CREBL2: variants seen among roughly 807,000 people sequenced by gnomAD.
The protein encoded by CREBL2 is cAMP responsive element binding protein like 2.
Under a neutral mutation model 19.5 loss-of-function variants are expected in CREBL2, and 4 were observed. That is an observed-to-expected ratio of 0.20 (90% CI 0.10 to 0.47). CREBL2 has a LOEUF of 0.47. Ranked by LOEUF, CREBL2 falls within the 20% of genes least tolerant of loss-of-function variation. The probability of loss-of-function intolerance (pLI) is 0.98; values close to 1 mark genes in which losing one functional copy is unlikely to be tolerated. For synonymous variants in CREBL2, 42 were observed against 46.6 expected (o/e 0.90, Z 0.40); for missense variants, 85 against 145.1 (o/e 0.59, Z 2.13).
At chr12:12,628,889 A>G (rs1204564324) in intron 1 of CREBL2, among the ~76,000 whole-genome samples, 1 of 152,222 alleles carries the variant, frequency 6.6e-6, no homozygotes, top group Non-Finnish European at 1.5e-5. Flanking sequence ...TTCTTTCCCC[A>G]TTTAATTGCT....
At chr12:12,621,523 CAAAAAAAAAA>C (rs61201510) in intron 1 of CREBL2, among the ~76,000 whole-genome samples, 1 of 64,888 alleles carries the variant, frequency 1.5e-5, no homozygotes, top group East Asian at 4.4e-4. Context: ...CGTCTCAAAC[CAAAAAAAAAA>C]AAAAAAAAAA....
At chr12:12,618,234 C>T (rs1240880199) in intron 1 of CREBL2, among the ~76,000 whole-genome samples, 8 of 151,516 alleles carry the variant, frequency 5.3e-5, no homozygotes, top group Admixed American at 3.9e-4. Context: ...ACTTCCCAGA[C>T]GGGGCGGCTG....
At position 12,642,024 on chromosome 12, in the gene CREBL2, T is replaced by C; in HGVS notation, c.*26T>C. On this transcript the variant is annotated 3_prime_UTR_variant, in exon 4 of 4. Transcript: ENST00000228865. ...AGATTATATAAAGATGAGTCAGTGA[T>C]TGAAGCCAATATTCTGATTCCCATG... The C allele has an allele frequency of 1.9e-6, 3 of 1,554,138 alleles. No individual in the cohort carries two copies. Among genetic ancestry groups the C allele is most frequent in the Non-Finnish European group, 2.6e-6 (3 of 1,132,294 alleles).
Position 12,612,111 on chromosome 12 carries a change from C to G in CREBL2, c.-62C>G. 1 of 1,599,164 alleles carries G rather than the reference C, an allele frequency of 6.3e-7. No homozygotes were observed. Among genetic ancestry groups the G allele is most frequent in the South Asian group, 1.1e-5 (1 of 90,840 alleles). ...TCCTCGGGGCGGGGGCCGGGCCAGG[C>G]CGGCTGAGCCGGGGGAGGGCTCCGG... is the stretch of plus-strand genomic sequence containing the variant. On this transcript the variant is annotated 5_prime_UTR_variant, in exon 1 of 4. Coordinates refer to ENST00000228865, the MANE Select transcript of CREBL2 (RefSeq NM_001310.4).
At chr12:12,628,357 G>A (rs976426960) in intron 1 of CREBL2, among the ~76,000 whole-genome samples, 1 of 151,944 alleles carries the variant, frequency 6.6e-6, no homozygotes, top group Non-Finnish European at 1.5e-5. Context: ...TTTAAAATTG[G>A]GTTGTCTTTT....
chr12:12,626,794 G>C (rs1054206919), intron 1 of CREBL2, among the ~76,000 whole-genome samples: 2 of 151,756 alleles, frequency 1.3e-5, no homozygotes, highest in Non-Finnish European at 2.9e-5. Context: ...CCAGCTACTT[G>C]GGAGGGTGAG....
chr12:12,637,724 A>G lies in CREBL2; in HGVS notation c.358+10A>G. 1 of 1,604,016 alleles carries G rather than the reference A, an allele frequency of 6.2e-7. No homozygotes were observed. The highest frequency in any genetic ancestry group is 8.5e-7 in the Non-Finnish European group (1 of 1,175,246). On this transcript the variant is annotated intron_variant, in intron 3 of 3. Transcript: ENST00000228865. ...GCTAATAGCAATTCCTGTAAGTGCC[A>G]TCAATGGGAGAATTTATATTTAAGA...
chr12:12,623,284 A>G (rs778065945), intron 1 of CREBL2, among the ~76,000 whole-genome samples: 73 of 152,092 alleles, frequency 4.8e-4, no homozygotes, highest in Non-Finnish European at 8.4e-4. Flanking sequence ...AGAAGTAGAA[A>G]ACACAGCTTC....
At chr12:12,635,136 G>A (rs1945465138) in intron 1 of CREBL2, among the ~76,000 whole-genome samples, 1 of 151,960 alleles carries the variant, frequency 6.6e-6, no homozygotes, top group African/African-American at 2.4e-5. Flanking sequence ...AAGGCAAATG[G>A]ATCAGTTAAG....
At chr12:12,639,734 G>A (rs1945503435) in intron 3 of CREBL2, among the ~76,000 whole-genome samples, 1 of 152,146 alleles carries the variant, frequency 6.6e-6, no homozygotes, top group South Asian at 2.1e-4. Context: ...GGCCAACTGA[G>A]AAATAAAGAG....
In CREBL2 at chr12:12,642,034, T is replaced by C. The variant is rs1009129250; in HGVS notation, c.*36T>C. The C allele has an allele frequency of 4.6e-6, 7 of 1,537,848 alleles. No individual in the cohort carries two copies. The highest frequency in any genetic ancestry group is 6.3e-6 in the Non-Finnish European group (7 of 1,119,964). On this transcript the variant is annotated 3_prime_UTR_variant, in exon 4 of 4. Coordinates refer to ENST00000228865, the MANE Select transcript of CREBL2 (RefSeq NM_001310.4). The stretch of plus-strand genomic sequence containing the variant: ...AAGATGAGTCAGTGATTGAAGCCAA[T>C]ATTCTGATTCCCATGGAAGATGGAT...
At chr12:12,629,501 C>G (rs1472573417) in intron 1 of CREBL2, among the ~76,000 whole-genome samples, 2 of 152,048 alleles carry the variant, frequency 1.3e-5, no homozygotes, top group Non-Finnish European at 2.9e-5. Flanking sequence ...TTTAGTAGCT[C>G]TAATAGGTTT....
At chr12:12,631,226 G>C (rs1945439798) in intron 1 of CREBL2, among the ~76,000 whole-genome samples, 1 of 152,194 alleles carries the variant, frequency 6.6e-6, no homozygotes, top group Non-Finnish European at 1.5e-5. Flanking sequence ...TGAAGGGTAA[G>C]AAAAATCACT....
At position 12,644,124 on chromosome 12, in the gene CREBL2, A is replaced by C. The variant is rs1945546668; in HGVS notation, c.*2126A>C. On this transcript the variant is annotated 3_prime_UTR_variant, in exon 4 of 4. Coordinates refer to ENST00000228865, the MANE Select transcript of CREBL2 (RefSeq NM_001310.4). Reference sequence around the variant, plus strand: ...CTCCCGCTAGTATCTTTACAGGAGCAGGGAAGAGCAGTAGAGGATGTATAA... The same window carrying C: ...CTCCCGCTAGTATCTTTACAGGAGCCGGGAAGAGCAGTAGAGGATGTATAA... The C allele has an allele frequency of 6.6e-6, 1 of 152,622 alleles. No homozygotes were observed. The highest frequency in any genetic ancestry group is 1.5e-5 in the Non-Finnish European group (1 of 68,046). The allele number at this position is 152,622 out of a possible 1,614,324, so 9.5% of individuals were successfully genotyped here.
rs1945534693 is a variant in CREBL2 at position 12,642,851 on chromosome 12, A to T, written c.*853A>T. 1 of 152,620 alleles carries T rather than the reference A, an allele frequency of 6.6e-6. No individual in the cohort carries two copies. Among genetic ancestry groups the T allele is most frequent in the African/African-American group, 2.4e-5 (1 of 41,466 alleles). The allele number at this position is 152,620 out of a possible 1,614,324, so 9.5% of individuals were successfully genotyped here. A position where few individuals can be genotyped will look rare whatever the true frequency, so the allele number is the denominator to read the frequency against. The stretch of plus-strand genomic sequence containing the variant: ...TATATGTATGTATGTTTCTTATTGT[A>T]TGTCTATATATGTATGTGGGGAGGA... On this transcript the variant is annotated 3_prime_UTR_variant, in exon 4 of 4. Transcript: ENST00000228865.
chr12:12,617,643 C>CTTTTTTTTTTTTTTTTTTTTTTTTTTTT lies in CREBL2; in HGVS notation c.15+5467_15+5494dup, dbSNP rs66943066. On this transcript the variant is annotated intron_variant, in intron 1 of 3. Coordinates refer to ENST00000228865, the MANE Select transcript of CREBL2 (RefSeq NM_001310.4). The stretch of plus-strand genomic sequence containing the variant: ...CCCTGAGATGCTCATTTTAGTAATT[C>CTTTTTTTTTTTTTTTTTTTTTTTTTTTT]TTTTTTTTTTTTTTTTTTTTTTTTT... Among the ~76,000 whole-genome samples, 9 of 38,766 alleles carry CTTTTTTTTTTTTTTTTTTTTTTTTTTTT rather than the reference C, an allele frequency of 2.3e-4. 2 individuals are homozygous for CTTTTTTTTTTTTTTTTTTTTTTTTTTTT. Among genetic ancestry groups the CTTTTTTTTTTTTTTTTTTTTTTTTTTTT allele is most frequent in the Admixed American group, 7.4e-4 (2 of 2,694 alleles). The allele number at this position is 38,766 out of a possible 152,430, so 25.4% of individuals were successfully genotyped here. A position where few individuals can be genotyped will look rare whatever the true frequency, so the allele number is the denominator to read the frequency against.
rs2136308882 is a variant in CREBL2, at chr12:12,642,623, A to AT, written c.*626dup. 1 of 152,500 alleles carries AT rather than the reference A, an allele frequency of 6.6e-6. No individual in the cohort carries two copies. Among genetic ancestry groups the AT allele is most frequent in the East Asian group, 1.9e-4 (1 of 5,194 alleles). 9.4% of individuals were successfully genotyped at this position (152,500 alleles called of 1,614,324 possible). ...ATCCATAAGGATATGCCTGTTTTAAATAACATACATATTAACAATATCTAT... is the reference window on the plus strand; with the variant it reads ...ATCCATAAGGATATGCCTGTTTTAAATTAACATACATATTAACAATATCTAT... On this transcript the variant is annotated 3_prime_UTR_variant, in exon 4 of 4. Transcript: ENST00000228865.
intron 1 of CREBL2, among the ~76,000 whole-genome samples, chr12:12,613,347 G>A (rs1945282425): frequency 6.6e-6 from 1 of 152,090 alleles, no homozygotes; most frequent in Admixed American, 6.5e-5. Flanking sequence ...GTCCTTCTTT[G>A]TGCTTCTCAG....
chr12:12,641,674 T>G (rs765641799), intron 3 of CREBL2, among the ~76,000 whole-genome samples: 1 of 152,134 alleles, frequency 6.6e-6, no homozygotes, highest in Non-Finnish European at 1.5e-5. Flanking sequence ...TTGATAACTT[T>G]TATTAGATAA....
Sources: gnomAD v4.1 joint callset for allele counts (sites outside exome capture counted in the v4.1 genomes callset) on GRCh38, gnomAD v4.1.1 for gene constraint, MANE v1.5 for transcripts, NCBI Gene and HGNC (gene_info 2026-07-23, HGNC 2026-07-21) for gene names.